The following CLIP3 variants were observed in gnomAD, a reference collection of about 807,000 sequenced individuals.
CLIP3 encodes CAP-Gly domain containing linker protein 3, also known as CAP-Gly domain-containing linker protein 3.
A neutral mutation model predicts 59.4 loss-of-function variants in CLIP3; 15 were observed. That is an observed-to-expected ratio of 0.25 (90% CI 0.17 to 0.39). CLIP3 has a LOEUF of 0.39. CLIP3 is among the 10% of genes least tolerant of loss of function. CLIP3 has a pLI of 1.00. For missense variants in CLIP3, 495 were observed against 765.7 expected (o/e 0.65, Z 4.17); for synonymous variants, 300 against 321.6 (o/e 0.93, Z 0.72).
rs764726922 is a variant in CLIP3 at position 36,019,312 on chromosome 19, G to A, written c.919-6C>T. The A allele has an allele frequency of 6.2e-7, 1 of 1,608,424 alleles. No homozygotes were observed. The highest frequency in any genetic ancestry group is 8.5e-7 in the Non-Finnish European group (1 of 1,178,850). On this transcript the variant is annotated splice_polypyrimidine_tract_variant and splice_region_variant and intron_variant, in intron 7 of 13. Coordinates refer to ENST00000360535, the MANE Select transcript of CLIP3 (RefSeq NM_015526.3). ...CAGAACCGCAGTGTGCCCGTCTGGG[G>A]AGAGAAGGGAGGCGATGGCTAAGGA...
rs376272556 is a variant in CLIP3, at chr19:36,019,123, C to G, written c.1054+48G>C. ...TCCCAGTCAGCAGCATCAGAACTGC[C>G]GAGTGGACACCCAGCCACACCCCTC... On this transcript the variant is annotated intron_variant, in intron 8 of 13. Coordinates refer to ENST00000360535, the MANE Select transcript of CLIP3 (RefSeq NM_015526.3). 3.1e-6 allele frequency: 5 copies of G among 1,610,976 alleles called. No homozygotes were observed. The African/African-American group carries it at 4.0e-5, about 13-fold the overall frequency.
In CLIP3 at chr19:36,016,395, T is replaced by A. The variant is rs1968800456; in HGVS notation, c.1590-183A>T. Among the ~76,000 whole-genome samples, 1 of 152,236 alleles carries A rather than the reference T, an allele frequency of 6.6e-6. No individual in the cohort carries two copies. The highest frequency in any genetic ancestry group is 2.1e-4 in the South Asian group (1 of 4,828). ...TGGAGTCTCACTCTGTCACCCAGGC[T>A]GGAGTGCCATGGCACGATCTCGGCT... On this transcript the variant is annotated intron_variant, in intron 13 of 13. Transcript: ENST00000360535. This position sits in a 1 kb window ranked among gnomAD's most constrained non-coding sequence, Gnocchi z 4.1.
Position 36,016,988 on chromosome 19 carries a change from G to A in CLIP3, c.1517-9C>T, listed in dbSNP as rs749320641. ...GCGTTTGGGCTGCGTCACTGAAGAG[G>A]AGGGCAGGATGTCAAGTGAGGGGAT... On this transcript the variant is annotated splice_polypyrimidine_tract_variant and intron_variant, in intron 12 of 13. Transcript: ENST00000360535. The surrounding 1 kb of genome is among the most constrained non-coding windows in gnomAD (Gnocchi z 4.1). 3.7e-6 allele frequency: 6 copies of A among 1,613,834 alleles called. No homozygotes were observed. The highest frequency in any genetic ancestry group is 3.4e-6 in the Non-Finnish European group (4 of 1,179,892).
At chr19:36,019,607 A>ATTTTTTTT (rs1413659385) in intron 7 of CLIP3, among the ~76,000 whole-genome samples, 21 of 117,570 alleles carry the variant, frequency 1.8e-4, no homozygotes, top group South Asian at 5.0e-4. Context: ...TATTTTATTT[A>ATTTTTTTT]TTTTTTTTTT....
At position 36,032,024 on chromosome 19, in the gene CLIP3, C is replaced by G; in HGVS notation, c.166+168G>C. On this transcript the variant is annotated intron_variant, in intron 2 of 13. Coordinates refer to ENST00000360535, the MANE Select transcript of CLIP3 (RefSeq NM_015526.3). The surrounding 1 kb of genome is among the most constrained non-coding windows in gnomAD (Gnocchi z 4.3). Reference sequence around the variant, plus strand: ...CTAGGAGTATTACAATTCCATTCTCCAATGGGTGAATGAATGAATTAACGA... The same window carrying G: ...CTAGGAGTATTACAATTCCATTCTCGAATGGGTGAATGAATGAATTAACGA... 1 of 411,470 alleles carries G rather than the reference C, an allele frequency of 2.4e-6. No homozygotes were observed. The highest frequency in any genetic ancestry group is 3.6e-5 in the East Asian group (1 of 28,012). 25.5% of individuals were successfully genotyped at this position (411,470 alleles called of 1,614,324 possible).
intron 7 of CLIP3, among the ~76,000 whole-genome samples, chr19:36,019,599 T>TTTATTTA (rs376243517): frequency 4.7e-5 from 6 of 126,792 alleles, no homozygotes; most frequent in South Asian, 2.4e-4. Context: ...TATTTATTTA[T>TTTATTTA]TTTATTTATT....
rs911932601 is a variant in CLIP3, at chr19:36,026,086, G to C, written c.681+61C>G. ...TCACGGGAAACGCAGAGACCTGCTG[G>C]AGGGAAGTGGGGGAGGAAGGGAGCA... is the stretch of plus-strand genomic sequence containing the variant. On this transcript the variant is annotated intron_variant, in intron 6 of 13. Transcript: ENST00000360535. This position sits in a 1 kb window ranked among gnomAD's most constrained non-coding sequence, Gnocchi z 6.3. 2.3e-6 allele frequency: 3 copies of C among 1,291,730 alleles called. No individual in the cohort carries two copies. The highest frequency in any genetic ancestry group is 3.4e-6 in the Non-Finnish European group (3 of 892,476). 80.0% of individuals were successfully genotyped at this position (1,291,730 alleles called of 1,614,324 possible). A position where few individuals can be genotyped will look rare whatever the true frequency, so the allele number is the denominator to read the frequency against.
intron 6 of CLIP3, among the ~76,000 whole-genome samples, 172 bp from the exon 7 acceptor site, chr19:36,024,804 C>T (rs940038417): frequency 1.3e-5 from 2 of 152,322 alleles, no homozygotes; most frequent in East Asian, 1.9e-4. Flanking sequence ...AGGTGGCTCA[C>T]GCCTGTAATC....
chr19:36,031,023 C>CTTTT (rs55762943), intron 2 of CLIP3, among the ~76,000 whole-genome samples: 7 of 80,172 alleles, frequency 8.7e-5, no homozygotes, highest in Non-Finnish European at 9.7e-5. Context: ...TTTTTTTTTT[C>CTTTT]TTTTTTTTTT....
At chr19:36,020,679 C>T (rs1336041684) in intron 7 of CLIP3, among the ~76,000 whole-genome samples, 1 of 152,140 alleles carries the variant, frequency 6.6e-6, no homozygotes, top group Admixed American at 6.6e-5. Flanking sequence ...TCACACTAGC[C>T]ATATTTCAAG....
chr19:36,014,840 G>A lies in CLIP3; in HGVS notation c.*1318C>T, dbSNP rs1291528596. 1.3e-5 allele frequency: 2 copies of A among 153,896 alleles called. No individual in the cohort carries two copies. Among genetic ancestry groups the A allele is most frequent in the African/African-American group, 4.8e-5 (2 of 41,446 alleles). 9.5% of individuals were successfully genotyped at this position (153,896 alleles called of 1,614,324 possible). A position where few individuals can be genotyped will look rare whatever the true frequency, so the allele number is the denominator to read the frequency against. ...GCCCAGGTGCTGTGGGGTCCTTTGA[G>A]GCCAGTGACTAGAACGTAGATTGAA... is the stretch of plus-strand genomic sequence containing the variant. On this transcript the variant is annotated 3_prime_UTR_variant, in exon 14 of 14. Coordinates refer to ENST00000360535, the MANE Select transcript of CLIP3 (RefSeq NM_015526.3).
At position 36,017,439 on chromosome 19, in the gene CLIP3, G is replaced by A; in HGVS notation, c.1463C>T (p.Ser488Phe). The stretch of plus-strand genomic sequence containing the variant: ...AACGCTGTCCCCGGGGGAATCAGTG[G>A]ATCCGCCAATCCTGAGGAGACACGG... ...PASRIQRIGG[S>F]TDSPGDSVGA... The change falls in exon 12 of 14, where the codon TCC becomes TTC. Residue 488 changes from serine (S) to phenylalanine (F), a missense_variant. Physicochemically the swap from Ser to Phe is radical, Grantham distance 155. This residue lies in a region of CLIP3 where 179 missense variants were observed against 226.2 expected (regional missense o/e 0.79). Transcript: ENST00000360535. 1.2e-6 allele frequency: 2 copies of A among 1,614,076 alleles called. No individual in the cohort carries two copies. Among genetic ancestry groups the A allele is most frequent in the Non-Finnish European group, 8.5e-7 (1 of 1,180,020 alleles).
At chr19:36,020,492 T>C (rs1235870243) in intron 7 of CLIP3, among the ~76,000 whole-genome samples, 6 of 144,486 alleles carry the variant, frequency 4.2e-5, no homozygotes, top group Non-Finnish European at 7.4e-5. Context: ...TAATCCCAGC[T>C]ACTCGGGAGG....
intron 12 of CLIP3, among the ~76,000 whole-genome samples, 177 bp from the exon 13 acceptor site, chr19:36,017,156 T>G (rs1443378515): frequency 6.6e-6 from 1 of 152,178 alleles, no homozygotes; most frequent in Non-Finnish European, 1.5e-5. Flanking sequence ...CCCCAGTGAC[T>G]ATCCCTGTCC....
intron 2 of CLIP3, among the ~76,000 whole-genome samples, chr19:36,028,138 A>G (rs545206942): frequency 5.3e-5 from 8 of 152,152 alleles, no homozygotes; most frequent in African/African-American, 1.9e-4. Flanking sequence ...GGAGTTCGAG[A>G]CCAGCCTGGT....
rs756540665 is a variant in CLIP3, at chr19:36,017,468, G to A, written c.1452-18C>T. 13 of 1,613,798 alleles carry A rather than the reference G, an allele frequency of 8.1e-6. No individual in the cohort carries two copies. Among genetic ancestry groups the A allele is most frequent in the Middle Eastern group, 3.3e-4 (2 of 6,084 alleles). ...CGCCAATCCTGAGGAGACACGGGGA[G>A]GGGGAGAAGTCAGAGCCACAAAAGG... On this transcript the variant is annotated intron_variant, in intron 11 of 13. Transcript: ENST00000360535.
At chr19:36,023,964 T>C (rs1158548989) in intron 7 of CLIP3, among the ~76,000 whole-genome samples, 2 of 152,146 alleles carry the variant, frequency 1.3e-5, no homozygotes, top group East Asian at 3.9e-4. Context: ...CCTGGCTTGC[T>C]CCTCCACATC....
chr19:36,030,635 C>T (rs1969229218), intron 2 of CLIP3, among the ~76,000 whole-genome samples: 1 of 152,210 alleles, frequency 6.6e-6, no homozygotes, highest in South Asian at 2.1e-4. Context: ...TGCTCTTAAA[C>T]ACCCTCCCCT....
intron 7 of CLIP3, 68 bp from the exon 8 acceptor site, chr19:36,019,374 C>T (rs893740773): frequency 2.6e-5 from 40 of 1,547,692 alleles, no homozygotes; most frequent in Admixed American, 3.9e-5. Context: ...TGCCCACACA[C>T]GGGCAGCAAG....
Sources: gnomAD v4.1 joint callset for allele counts (sites outside exome capture counted in the v4.1 genomes callset) on GRCh38, gnomAD v4.1.1 for gene constraint, gnomAD v4.1.1 regional missense constraint, Gnocchi (gnomAD v3.1) non-coding constraint, MANE v1.5 for transcripts, NCBI Gene and HGNC (gene_info 2026-07-23, HGNC 2026-07-21) for gene names.